Variants in COBL observed in about 807,000 individuals in gnomAD.
COBL encodes cordon-bleu WH2 repeat protein.
A neutral mutation model predicts 98.8 loss-of-function variants in COBL; 51 were observed. The observed-to-expected ratio is 0.52, with a 90% confidence interval of 0.41 to 0.65. The LOEUF is 0.65. Ranked by LOEUF, COBL falls within the 30% of genes least tolerant of loss-of-function variation. The probability of loss-of-function intolerance (pLI) is 0.00; values close to 1 mark genes in which losing one functional copy is unlikely to be tolerated. For synonymous variants in COBL, 634 were observed against 651.7 expected, an observed-to-expected ratio of 0.97 and a Z score of 0.41; for missense variants, 1,617 against 1,617.5, an observed-to-expected ratio of 1.00 and a Z score of 0.01.
At chr7:51,146,399 AG>A (rs2129016460) in intron 5 of COBL, among the ~76,000 whole-genome samples, 1 of 152,268 alleles carries the variant, frequency 6.6e-6, no homozygotes, top group East Asian at 1.9e-4. Flanking sequence ...AGGGGCTGCC[AG>A]GCATACTCAT....
At chr7:51,109,891 G>C (rs1413787258) in intron 6 of COBL, among the ~76,000 whole-genome samples, 1 of 152,170 alleles carries the variant, frequency 6.6e-6, no homozygotes, top group African/African-American at 2.4e-5. Context: ...GGCAGTGAAA[G>C]AAACAGGCCA....
At chr7:51,274,763 G>A (rs375076391) in intron 1 of COBL, among the ~76,000 whole-genome samples, 6 of 152,146 alleles carry the variant, frequency 3.9e-5, no homozygotes, top group African/African-American at 1.4e-4. Flanking sequence ...TACAACAGAC[G>A]TATTCTAGAA....
At chr7:51,126,055 G>A (rs1798173045) in intron 6 of COBL, among the ~76,000 whole-genome samples, 1 of 152,188 alleles carries the variant, frequency 6.6e-6, no homozygotes, top group Non-Finnish European at 1.5e-5. Flanking sequence ...CAGGCTGAGT[G>A]TGGTGGCTCA....
chr7:51,086,620 CAAT>C (rs1320232705), intron 6 of COBL, among the ~76,000 whole-genome samples: 4 of 137,744 alleles, frequency 2.9e-5, no homozygotes, highest in Non-Finnish European at 6.2e-5. Context: ...GGGAGAGAGA[CAAT>C]GAGAGGGAGA....
intron 2 of COBL, among the ~76,000 whole-genome samples, chr7:51,215,914 C>T (rs949977605): frequency 2.0e-5 from 3 of 152,264 alleles, no homozygotes; most frequent in African/African-American, 7.2e-5. Context: ...CTGCAAGAGT[C>T]CTGTGCTGTT....
intron 6 of COBL, among the ~76,000 whole-genome samples, chr7:51,126,608 G>A (rs985425416): frequency 6.6e-6 from 1 of 152,142 alleles, no homozygotes; most frequent in African/African-American, 2.4e-5. Context: ...AGCCTGGGTT[G>A]GACCTGGACG....
At chr7:51,219,596 C>T in intron 2 of COBL, 145 bp downstream of exon 2, 1 of 826,786 alleles carries the variant, frequency 1.2e-6, no homozygotes, top group Non-Finnish European at 1.9e-6. Context: ...TCTAAGTAGT[C>T]ACTAAGCCCG....
intron 6 of COBL, among the ~76,000 whole-genome samples, chr7:51,098,284 G>A (rs1795493377): frequency 7.4e-6 from 1 of 134,814 alleles, no homozygotes; most frequent in African/African-American, 2.9e-5. Flanking sequence ...GAATCTCAAA[G>A]TACTCCAAAT....
intron 7 of COBL, among the ~76,000 whole-genome samples, chr7:51,082,751 T>C (rs1250315834): frequency 6.6e-6 from 1 of 152,200 alleles, no homozygotes; most frequent in East Asian, 1.9e-4. Flanking sequence ...GCTGTCTCTC[T>C]CTACAGACAC....
intron 1 of COBL, among the ~76,000 whole-genome samples, chr7:51,253,819 A>C (rs1034347503): frequency 1.4e-4 from 22 of 152,352 alleles, no homozygotes; most frequent in African/African-American, 4.8e-4. Flanking sequence ...AAACTGTTCA[A>C]AATTATCAGA....
At chr7:51,234,495 G>A (rs544881744) in intron 1 of COBL, among the ~76,000 whole-genome samples, 11 of 152,308 alleles carry the variant, frequency 7.2e-5, no homozygotes, top group Admixed American at 5.9e-4. Context: ...GAGCTTAGGA[G>A]TTCGAGACCA....
At chr7:51,042,669 G>C (rs1273488444) in intron 8 of COBL, among the ~76,000 whole-genome samples, 1 of 152,208 alleles carries the variant, frequency 6.6e-6, no homozygotes, top group Non-Finnish European at 1.5e-5. Context: ...GCCAAACGTG[G>C]CATGTTTTTT....
intron 8 of COBL, chr7:51,033,737 T>C (rs887026934): frequency 6.6e-6 from 1 of 152,266 alleles, no homozygotes; most frequent in East Asian, 1.9e-4. Flanking sequence ...GATAATTTTG[T>C]CCTTTAGTGA....
intron 6 of COBL, among the ~76,000 whole-genome samples, chr7:51,113,635 T>C (rs1583838823): frequency 6.6e-6 from 1 of 152,280 alleles, no homozygotes; most frequent in East Asian, 1.9e-4. Flanking sequence ...ACCAAAACAA[T>C]AGATTTTGGA....
At chr7:51,060,038 G>A (rs1388521468) in intron 7 of COBL, among the ~76,000 whole-genome samples, 3 of 152,038 alleles carry the variant, frequency 2.0e-5, no homozygotes, top group Admixed American at 6.5e-5. Flanking sequence ...AAGCTCTGCC[G>A]GATGCCTCCA....
rs79680592 is a variant in COBL at position 51,219,632 on chromosome 7, T to C, written c.245+109A>G. 2.0e-3 allele frequency: 2,399 copies of C among 1,192,388 alleles called. 30 individuals are homozygous for C. The African/African-American group carries it at 0.032, about 16-fold the overall frequency. The allele number at this position is 1,192,388 out of a possible 1,614,324, so 73.9% of individuals were successfully genotyped here. A position where few individuals can be genotyped will look rare whatever the true frequency, so the allele number is the denominator to read the frequency against. On this transcript the variant is annotated intron_variant, in intron 2 of 12. Transcript: ENST00000265136. ...ATTTATATCCATGAGGTTCCTGAGG[T>C]CAGACCTGATGAGGAGGAAAATGCA...
chr7:51,109,979 T>C (rs1028410740), intron 6 of COBL, among the ~76,000 whole-genome samples: 1 of 152,164 alleles, frequency 6.6e-6, no homozygotes, highest in African/African-American at 2.4e-5. Context: ...CTTTTTTCTT[T>C]AAAAAAATTG....
rs572529780 is a variant in COBL at position 51,101,654 on chromosome 7, GGA to G, written c.958-16352_958-16351del. Reference sequence around the variant, plus strand: ...TGATACCATAGTGACTAAAGCCCATGGATTTCTCACCTAGTAAAGCACCCACC... The same window carrying G: ...TGATACCATAGTGACTAAAGCCCATGTTTCTCACCTAGTAAAGCACCCACC... On this transcript the variant is annotated intron_variant, in intron 6 of 12. Coordinates refer to ENST00000265136, the MANE Select transcript of COBL (RefSeq NM_015198.5). Among the ~76,000 whole-genome samples the G allele has an allele frequency of 1.2e-3, 186 of 152,284 alleles. 1 individual carries two copies. The highest frequency in any genetic ancestry group is 4.4e-3 in the African/African-American group (183 of 41,552).
At chr7:51,315,640 G>A (rs559061007) in intron 1 of COBL, among the ~76,000 whole-genome samples, 146 of 149,018 alleles carry the variant, frequency 9.8e-4, no homozygotes, top group African/African-American at 3.4e-3. Flanking sequence ...GAAGGTCCCC[G>A]GCGCGCCGCG....
Sources: allele counts gnomAD v4.1 joint callset (sites outside exome capture counted in the v4.1 genomes callset), GRCh38; gene constraint gnomAD v4.1.1; transcripts MANE v1.5; gene names NCBI Gene and HGNC (gene_info 2026-07-23, HGNC 2026-07-21).